The following PALLD variants were observed in gnomAD, a reference collection of about 807,000 sequenced individuals.
PALLD encodes the protein palladin.
Under a neutral mutation model 123.5 loss-of-function variants are expected in PALLD, and 61 were observed. That is an observed-to-expected ratio of 0.49 (90% confidence interval 0.40 to 0.61). The LOEUF (loss-of-function observed/expected upper bound fraction) is 0.61. PALLD is among the 20% of genes least tolerant of loss of function. The pLI is 0.00. For synonymous variants in PALLD, 465 were observed against 496.4 expected, an observed-to-expected ratio of 0.94 and a Z score of 0.84; for missense variants, 1,273 against 1,377.0, an observed-to-expected ratio of 0.92 and a Z score of 1.20.
At chr4:168,529,566 C>T (rs1764411489) in intron 2 of PALLD, among the ~76,000 whole-genome samples, 1 of 152,118 alleles carries the variant, frequency 6.6e-6, no homozygotes. Context: ...TGGTAAATCA[C>T]TATGTTTAAC....
intron 10 of PALLD, among the ~76,000 whole-genome samples, chr4:168,733,785 C>G (rs898889658): frequency 6.6e-6 from 1 of 152,102 alleles, no homozygotes; most frequent in Non-Finnish European, 1.5e-5. Context: ...CCTGGCCGGA[C>G]TGCAGTGGGT....
At chr4:168,719,962 T>C (rs145189275) in intron 10 of PALLD, among the ~76,000 whole-genome samples, 1 of 152,234 alleles carries the variant, frequency 6.6e-6, no homozygotes, top group Admixed American at 6.5e-5. Context: ...TACCACATTT[T>C]CTTTATCCAG....
At chr4:168,898,246 A>C (rs1301158799) in intron 13 of PALLD, 2 of 534,696 alleles carry the variant, frequency 3.7e-6, no homozygotes, top group Non-Finnish European at 6.7e-6. Context: ...AAAAGAAGGA[A>C]AAAAAAATTC....
At chr4:168,678,860 T>G (rs1241086915) in intron 3 of PALLD, among the ~76,000 whole-genome samples, 11 of 134,410 alleles carry the variant, frequency 8.2e-5, no homozygotes, top group South Asian at 7.4e-4. Flanking sequence ...GTGTGGTGTG[T>G]CGTGTGGGTG....
At chr4:168,785,697 G>A (rs1439113174) in intron 10 of PALLD, among the ~76,000 whole-genome samples, 4 of 151,474 alleles carry the variant, frequency 2.6e-5, no homozygotes, top group African/African-American at 4.8e-5. Flanking sequence ...TACTTACCCC[G>A]TTACTGGTTG....
At chr4:168,684,927 A>T (rs1212883937) in intron 5 of PALLD, among the ~76,000 whole-genome samples, 1 of 152,222 alleles carries the variant, frequency 6.6e-6, no homozygotes, top group Non-Finnish European at 1.5e-5. Context: ...ACTACTCTGA[A>T]ATCCTTATAT....
intron 10 of PALLD, among the ~76,000 whole-genome samples, chr4:168,751,992 G>A (rs1157673080): frequency 1.3e-5 from 2 of 152,208 alleles, no homozygotes; most frequent in African/African-American, 2.4e-5. Flanking sequence ...GTGAGTCAGA[G>A]CTGGGATGTT....
At chr4:168,682,951 G>GA in intron 4 of PALLD, 47 bp from the exon 5 acceptor site, 1 of 1,140,278 alleles carries the variant, frequency 8.8e-7, no homozygotes, top group South Asian at 1.4e-5. Flanking sequence ...ACAAAAAAAC[G>GA]AAAACAAAAA....
At chr4:168,563,687 A>G (rs1247539249) in intron 2 of PALLD, among the ~76,000 whole-genome samples, 2 of 152,166 alleles carry the variant, frequency 1.3e-5, no homozygotes, top group Non-Finnish European at 2.9e-5. Flanking sequence ...TATATAATGC[A>G]TTATAAAAAA....
In PALLD at chr4:168,520,347, A is replaced by AAGAG. The variant is rs1554034659; in HGVS notation, c.908+7945_908+7948dup. 3.7e-3 allele frequency among the ~76,000 whole-genome samples: 315 copies of AAGAG among 84,002 alleles called. 5 individuals are homozygous for AAGAG. The highest frequency in any genetic ancestry group is 9.2e-3 in the African/African-American group (172 of 18,682). 55.1% of individuals were successfully genotyped at this position (84,002 alleles called of 152,430 possible). On this transcript the variant is annotated intron_variant, in intron 2 of 21. Transcript: ENST00000505667. ...GTCACCAAAAAAAAAAAAAAAAAAAAAGAGAGAGAGAGAATGGCACCTTTA... is the reference window on the plus strand; with the variant it reads ...GTCACCAAAAAAAAAAAAAAAAAAAAAGAGAGAGAGAGAGAGAATGGCACCTTTA...
intron 2 of PALLD, among the ~76,000 whole-genome samples, chr4:168,650,340 A>G (rs1026077697): frequency 6.6e-6 from 1 of 152,166 alleles, no homozygotes; most frequent in African/African-American, 2.4e-5. Flanking sequence ...CTCCAAAAAT[A>G]TATTGTTCAG....
chr4:168,801,524 C>T (rs1011272343), intron 10 of PALLD, among the ~76,000 whole-genome samples: 2 of 152,158 alleles, frequency 1.3e-5, no homozygotes, highest in African/African-American at 2.4e-5. Context: ...GTGATCTGCC[C>T]GCCTCGGCCT....
chr4:168,914,171 A>G, intron 16 of PALLD, 150 bp downstream of exon 16: 1 of 669,176 alleles, frequency 1.5e-6, no homozygotes, highest in Admixed American at 2.2e-5. Flanking sequence ...CTCCTTGATT[A>G]TTATGCTCCC....
At chr4:168,571,416 T>C (rs1962022) in intron 2 of PALLD, among the ~76,000 whole-genome samples, 65,791 of 152,034 alleles carry the variant, frequency 0.43, 14,731 homozygotes, top group East Asian at 0.77. Flanking sequence ...ACTCATTACA[T>C]ACCTGAAACT....
chr4:168,741,225 A>G (rs1484789613), intron 10 of PALLD, among the ~76,000 whole-genome samples: 1 of 152,228 alleles, frequency 6.6e-6, no homozygotes, highest in Non-Finnish European at 1.5e-5. Flanking sequence ...AATTACAGAG[A>G]ATAGTGACAA....
chr4:168,794,166 TC>T (rs563402907), intron 10 of PALLD, among the ~76,000 whole-genome samples: 189 of 152,224 alleles, frequency 1.2e-3, no homozygotes, highest in African/African-American at 4.3e-3. Context: ...TGCAGGATGG[TC>T]CTGTGGATGG....
At chr4:168,843,229 T>C (rs1324095765) in intron 10 of PALLD, among the ~76,000 whole-genome samples, 1 of 152,232 alleles carries the variant, frequency 6.6e-6, no homozygotes, top group Non-Finnish European at 1.5e-5. Context: ...TATACTCTAA[T>C]TTGGGAAACA....
chr4:168,676,634 G>T (rs1259177607), intron 3 of PALLD, among the ~76,000 whole-genome samples: 1 of 151,446 alleles, frequency 6.6e-6, no homozygotes, highest in Non-Finnish European at 1.5e-5. Flanking sequence ...TGCCCAGGAT[G>T]GAGTGTGGTG....
intron 10 of PALLD, among the ~76,000 whole-genome samples, chr4:168,735,205 TG>T (rs1787616255): frequency 6.6e-6 from 1 of 152,116 alleles, no homozygotes; most frequent in African/African-American, 2.4e-5. Context: ...CTGTCCCCAT[TG>T]GCAGACAGGC....
Sources: gnomAD v4.1 joint callset for allele counts (sites outside exome capture counted in the v4.1 genomes callset) on GRCh38, gnomAD v4.1.1 for gene constraint, MANE v1.5 for transcripts, NCBI Gene and HGNC (gene_info 2026-07-23, HGNC 2026-07-21) for gene names.